HDAC9: variants seen among roughly 807,000 people sequenced by gnomAD.
HDAC9 encodes MEF-2 interacting transcription repressor (MITR) protein.
In HDAC9, 41 loss-of-function variants were observed where a neutral mutation model predicts 139.4. That is an observed-to-expected ratio of 0.29 (90% CI 0.23 to 0.38). HDAC9 has a LOEUF of 0.38. HDAC9 is among the 10% of genes least tolerant of loss of function. The pLI, the probability that HDAC9 is intolerant of heterozygous loss-of-function variation, is 1.00. For synonymous variants in HDAC9, 517 were observed against 476.2 expected (o/e 1.09, Z -1.12); for missense variants, 1,147 against 1,297.0 (o/e 0.88, Z 1.78).
At chr7:18,568,925 T>C (rs940623829) in intron 2 of HDAC9, among the ~76,000 whole-genome samples, 1 of 152,000 alleles carries the variant, frequency 6.6e-6, no homozygotes, top group Admixed American at 6.6e-5. Context: ...CACATACCTG[T>C]AATACCAGCT....
chr7:18,160,626 T>G (rs1787563015), intron 1 of HDAC9, among the ~76,000 whole-genome samples: 1 of 152,104 alleles, frequency 6.6e-6, no homozygotes, highest in Admixed American at 6.6e-5. Context: ...ATTATTATTA[T>G]TATTTTTGAC....
chr7:18,470,130 G>A (rs1794612379), intron 1 of HDAC9, among the ~76,000 whole-genome samples: 1 of 152,046 alleles, frequency 6.6e-6, no homozygotes, highest in South Asian at 2.1e-4. Context: ...TTGAGGCCAG[G>A]AGTTCGAGAC....
chr7:18,618,624 G>T (rs1030282598), intron 6 of HDAC9, among the ~76,000 whole-genome samples: 1 of 151,410 alleles, frequency 6.6e-6, no homozygotes, highest in Non-Finnish European at 1.5e-5. Flanking sequence ...TGAACTGTCT[G>T]AGTAGGAGGG....
At chr7:18,424,754 CA>C (rs1054957079) in intron 1 of HDAC9, among the ~76,000 whole-genome samples, 2 of 151,874 alleles carry the variant, frequency 1.3e-5, no homozygotes, top group African/African-American at 4.8e-5. Flanking sequence ...ACTAAAAATG[CA>C]AAAAAATCAG....
chr7:18,566,737 A>T (rs1257942449), intron 2 of HDAC9, among the ~76,000 whole-genome samples: 1 of 152,192 alleles, frequency 6.6e-6, no homozygotes, highest in Non-Finnish European at 1.5e-5. Context: ...AGCAATTGAG[A>T]GTAGACTGAT....
rs142807966 is a variant in HDAC9, at chr7:18,733,025, A to G, written c.1909+5268A>G. Among the ~76,000 whole-genome samples the G allele has an allele frequency of 2.9e-3, 407 of 142,104 alleles. 6 individuals are homozygous for G. The highest frequency in any genetic ancestry group is 0.012 in the Admixed American group (182 of 14,680). 93.2% of individuals were successfully genotyped at this position (142,104 alleles called of 152,430 possible). Reference sequence around the variant, plus strand: ...TATACACATGTGTATGTGTGTATATATGTATATATACAGATATACATATAT... The same window carrying G: ...TATACACATGTGTATGTGTGTATATGTGTATATATACAGATATACATATAT... On this transcript the variant is annotated intron_variant, in intron 13 of 25. Transcript: ENST00000686413.
At chr7:18,869,014 G>A (rs1022026353) in intron 21 of HDAC9, among the ~76,000 whole-genome samples, 5 of 152,108 alleles carry the variant, frequency 3.3e-5, no homozygotes, top group African/African-American at 9.7e-5. Flanking sequence ...GCCTTTGAAT[G>A]TCCTTTATAA....
At chr7:18,147,012 A>T (rs1396935225) in intron 1 of HDAC9, among the ~76,000 whole-genome samples, 1 of 152,234 alleles carries the variant, frequency 6.6e-6, no homozygotes, top group African/African-American at 2.4e-5. Context: ...TGCATATTTT[A>T]GCAAATAGGT....
chr7:18,243,740 G>A (rs1454562533), intron 2 of HDAC9, among the ~76,000 whole-genome samples: 1 of 152,214 alleles, frequency 6.6e-6, no homozygotes, highest in Non-Finnish European at 1.5e-5. Context: ...GTGTAACACA[G>A]TGGTATCAAT....
At chr7:18,789,714 C>T (rs1792138241) in intron 16 of HDAC9, among the ~76,000 whole-genome samples, 1 of 152,166 alleles carries the variant, frequency 6.6e-6, no homozygotes, top group Non-Finnish European at 1.5e-5. Flanking sequence ...CCCCTTAATC[C>T]TGCATATCTG....
intron 25 of HDAC9, among the ~76,000 whole-genome samples, chr7:18,990,705 G>A (rs1482174048): frequency 2.6e-5 from 4 of 152,254 alleles, no homozygotes; most frequent in African/African-American, 9.6e-5. Context: ...GCGAGATTCT[G>A]TGGGCGTAGG....
chr7:18,360,220 C>G (rs534321125), intron 1 of HDAC9, among the ~76,000 whole-genome samples: 27 of 152,304 alleles, frequency 1.8e-4, no homozygotes, highest in African/African-American at 6.5e-4. Context: ...TACTTTTAAA[C>G]ATTTATGGCA....
intron 1 of HDAC9, among the ~76,000 whole-genome samples, chr7:18,117,736 C>G (rs1784098024): frequency 6.6e-6 from 1 of 152,158 alleles, no homozygotes; most frequent in African/African-American, 2.4e-5. Flanking sequence ...ACCTTGATTT[C>G]AGACTTCTGG....
At chr7:18,186,787 T>A (rs1318024910) in intron 2 of HDAC9, among the ~76,000 whole-genome samples, 2 of 152,248 alleles carry the variant, frequency 1.3e-5, no homozygotes, top group Non-Finnish European at 2.9e-5. Flanking sequence ...GATAATGTAC[T>A]GTAAAAACTC....
intron 2 of HDAC9, among the ~76,000 whole-genome samples, chr7:18,264,216 A>G (rs760166586): frequency 6.6e-6 from 1 of 152,236 alleles, no homozygotes; most frequent in Non-Finnish European, 1.5e-5. Context: ...ACAGTGGAAT[A>G]CATATTCTTC....
intron 2 of HDAC9, among the ~76,000 whole-genome samples, chr7:18,550,653 T>A (rs1816813216): frequency 6.6e-6 from 1 of 152,172 alleles, no homozygotes. Context: ...CTGTAAGGAA[T>A]TTTGCCATAA....
intron 22 of HDAC9, among the ~76,000 whole-genome samples, chr7:18,901,646 T>C (rs1801735280): frequency 6.6e-6 from 1 of 152,204 alleles, no homozygotes; most frequent in Non-Finnish European, 1.5e-5. Context: ...ATGGGTATTT[T>C]ACCACATATA....
At position 18,328,349 on chromosome 7, in the gene HDAC9, G is replaced by A. The variant is rs1022006429; in HGVS notation, c.-42+37834G>A. ...GCCATGGAGATCCAGACACTTACGGGGTTAGGATATTGGGAGTAGTGCTCT... is the reference window on the plus strand; with the variant it reads ...GCCATGGAGATCCAGACACTTACGGAGTTAGGATATTGGGAGTAGTGCTCT... On this transcript the variant is annotated intron_variant, in intron 1 of 3. Coordinates refer to the HDAC9 transcript ENST00000413509. Among the ~76,000 whole-genome samples the A allele has an allele frequency of 2.0e-5, 3 of 151,564 alleles. No individual in the cohort carries two copies. In the East Asian group the frequency reaches 5.9e-4, roughly 30 times the overall value.
At chr7:18,204,204 T>C (rs2128161797) in intron 2 of HDAC9, among the ~76,000 whole-genome samples, 1 of 152,250 alleles carries the variant, frequency 6.6e-6, no homozygotes, top group Non-Finnish European at 1.5e-5. Flanking sequence ...TATGACGTTA[T>C]GAGATTCCTT....
Sources: allele counts gnomAD v4.1 joint callset (sites outside exome capture counted in the v4.1 genomes callset), GRCh38; gene constraint gnomAD v4.1.1; transcripts MANE v1.5; gene names NCBI Gene and HGNC (gene_info 2026-07-23, HGNC 2026-07-21).